Variants in ARCN1 observed in about 807,000 individuals in gnomAD.
The protein encoded by ARCN1 is coatomer subunit delta.
ARCN1 carries 5 observed loss-of-function variants against 60.4 expected under a neutral mutation model. The observed-to-expected ratio is 0.08, with a 90% CI of 0.04 to 0.17. The LOEUF is 0.17. Among genes scored for constraint, ARCN1 ranks in the 10% least tolerant of loss-of-function variants. ARCN1 has a pLI of 1.00. For missense variants in ARCN1, 464 were observed against 626.5 expected, an observed-to-expected ratio of 0.74 and a Z score of 2.77; for synonymous variants, 224 against 220.0, an observed-to-expected ratio of 1.02 and a Z score of -0.16.
At chr11:118,578,663 G>A (rs1012603577) in intron 1 of ARCN1, among the ~76,000 whole-genome samples, 9 of 151,984 alleles carry the variant, frequency 5.9e-5, no homozygotes, top group Non-Finnish European at 1.0e-4. Flanking sequence ...CTAGAGGATC[G>A]ATGCATTCCC....
rs1555076709 is a variant in ARCN1 at position 118,593,711 on chromosome 11, C to T, written c.1241+13C>T. ...CCATCCCACTCCCGTAAGTGCTGTC[C>T]CTGTGTCCTCTACGGTGGACTTAGA... On this transcript the variant is annotated intron_variant, in intron 8 of 9. Transcript: ENST00000264028. The T allele has an allele frequency of 2.6e-6, 4 of 1,565,858 alleles. No homozygotes were observed. The South Asian group carries it at 4.4e-5, about 17-fold the overall frequency.
rs760376887 is a variant in ARCN1, at chr11:118,601,961, C to A, written c.*1247C>A. The A allele has an allele frequency of 2.0e-6, 1 of 511,746 alleles. No homozygotes were observed. Among genetic ancestry groups the A allele is most frequent in the Non-Finnish European group, 3.5e-6 (1 of 286,266 alleles). The allele number at this position is 511,746 out of a possible 1,614,324, so 31.7% of individuals were successfully genotyped here. ...CCACAGTCTGTAATCCATTCACATTCCTCAGTTTCACCACCTCCCTCTTCC... is the reference window on the plus strand; with the variant it reads ...CCACAGTCTGTAATCCATTCACATTACTCAGTTTCACCACCTCCCTCTTCC... On this transcript the variant is annotated 3_prime_UTR_variant, in exon 10 of 10. Transcript: ENST00000264028.
In ARCN1 at chr11:118,583,936, C is replaced by T. The variant is rs990047053; in HGVS notation, c.575C>T (p.Ser192Phe). The change falls in exon 4 of 10, where the codon TCT becomes TTT. Residue 192 changes from serine (S) to phenylalanine (F), a missense_variant. By Grantham distance (155) the Ser-to-Phe change is radical. Around this residue, in one of 2 missense-constraint regions of ARCN1, gnomAD observed 359 missense variants for 440.2 expected, o/e 0.82. Coordinates refer to ENST00000264028, the MANE Select transcript of ARCN1 (RefSeq NM_001655.5). ...GFGGFGSSAV[S>F]GGSTAAMITE... ...GGCGGATTTGGCAGCTCTGCAGTAT[C>T]TGGAGGCAGCACAGCTGCCATGATC... 1 of 1,614,212 alleles carries T rather than the reference C, an allele frequency of 6.2e-7. No individual in the cohort carries two copies. The highest frequency in any genetic ancestry group is 8.5e-7 in the Non-Finnish European group (1 of 1,180,032).
intron 2 of ARCN1, among the ~76,000 whole-genome samples, 165 bp from the exon 3 acceptor site, chr11:118,583,014 G>A (rs911159264): frequency 2.0e-5 from 3 of 152,238 alleles, no homozygotes; most frequent in African/African-American, 2.4e-5. Context: ...GCACTCCAGC[G>A]TGGGCAGCAG....
intron 1 of ARCN1, 95 bp downstream of exon 1, chr11:118,572,645 C>T (rs1938373798): frequency 6.6e-7 from 1 of 1,512,290 alleles, no homozygotes; most frequent in Non-Finnish European, 9.0e-7. Context: ...GAGCCCCGCC[C>T]TGAGGGTCTA....
intron 1 of ARCN1, among the ~76,000 whole-genome samples, chr11:118,574,403 A>G (rs975057311): frequency 2.8e-4 from 43 of 152,184 alleles, no homozygotes; most frequent in Non-Finnish European, 5.1e-4. Flanking sequence ...TTTTAGCTCA[A>G]CATTTCATTA....
intron 5 of ARCN1, among the ~76,000 whole-genome samples, chr11:118,584,950 C>G (rs1035918971): frequency 6.6e-6 from 1 of 151,980 alleles, no homozygotes; most frequent in East Asian, 1.9e-4. Context: ...CTCAGCCTCC[C>G]GAGTAGCTGG....
intron 5 of ARCN1, among the ~76,000 whole-genome samples, chr11:118,589,355 C>G (rs868963761): frequency 5.9e-5 from 9 of 152,126 alleles, no homozygotes; most frequent in Non-Finnish European, 1.0e-4. Flanking sequence ...AAAATACTTA[C>G]AAATAGAAAG....
chr11:118,588,824 C>T (rs1938832275), intron 5 of ARCN1, among the ~76,000 whole-genome samples: 1 of 152,122 alleles, frequency 6.6e-6, no homozygotes, highest in Admixed American at 6.5e-5. Context: ...TCAAGACCAG[C>T]CTGGCCAGCA....
At chr11:118,598,393 C>T (rs1220309619) in intron 9 of ARCN1, among the ~76,000 whole-genome samples, 1 of 151,714 alleles carries the variant, frequency 6.6e-6, no homozygotes. Flanking sequence ...TGTCACAGCT[C>T]CCTTTATTAG....
intron 9 of ARCN1, among the ~76,000 whole-genome samples, chr11:118,599,159 G>A (rs1400810063): frequency 6.7e-6 from 1 of 149,826 alleles, no homozygotes; most frequent in Non-Finnish European, 1.5e-5. Context: ...ATGGCGTGAT[G>A]TTGGTTCACT....
chr11:118,595,646 T>C (rs1175511170), intron 8 of ARCN1, among the ~76,000 whole-genome samples: 8 of 152,214 alleles, frequency 5.3e-5, no homozygotes, highest in Non-Finnish European at 1.0e-4. Flanking sequence ...TACTTCACAG[T>C]AAATCCTAGC....
chr11:118,583,925 C>T lies in ARCN1; in HGVS notation c.564C>T (p.Ser188=). The T allele has an allele frequency of 1.2e-6, 2 of 1,614,248 alleles. No individual in the cohort carries two copies. ...KKAPGFGGFG[S]SAVSGGSTAA... is the part of the protein sequence containing the mutation. The stretch of plus-strand genomic sequence containing the variant: ...CACCAGGATTTGGCGGATTTGGCAG[C>T]TCTGCAGTATCTGGAGGCAGCACAG... The change falls in exon 4 of 10, where the codon AGC becomes AGT. Residue 188 remains serine (S), a synonymous_variant. Transcript: ENST00000264028.
At chr11:118,583,627 C>T (rs1233625581) in intron 3 of ARCN1, among the ~76,000 whole-genome samples, 182 bp from the exon 4 acceptor site, 1 of 151,844 alleles carries the variant, frequency 6.6e-6, no homozygotes, top group Non-Finnish European at 1.5e-5. Flanking sequence ...CATGGTAGCA[C>T]GTGCATGTGG....
intron 6 of ARCN1, among the ~76,000 whole-genome samples, chr11:118,590,786 G>A (rs986467605): frequency 6.6e-6 from 1 of 152,174 alleles, no homozygotes; most frequent in Non-Finnish European, 1.5e-5. Context: ...GTACAAGGAG[G>A]TGTTTGTCTT....
At chr11:118,576,576 A>G (rs1938518676) in intron 1 of ARCN1, among the ~76,000 whole-genome samples, 1 of 152,144 alleles carries the variant, frequency 6.6e-6, no homozygotes, top group African/African-American at 2.4e-5. Context: ...ACCAGTAAAC[A>G]TTAATGTAAA....
intron 6 of ARCN1, among the ~76,000 whole-genome samples, chr11:118,591,718 G>GT (rs1333512610): frequency 1.3e-5 from 2 of 148,992 alleles, no homozygotes; most frequent in African/African-American, 4.9e-5. Flanking sequence ...TTTTTGTCTT[G>GT]TTTTTTTGTT....
At chr11:118,577,656 T>C (rs1555073903) in intron 1 of ARCN1, among the ~76,000 whole-genome samples, 1 of 152,220 alleles carries the variant, frequency 6.6e-6, no homozygotes, top group African/African-American at 2.4e-5. Context: ...CTTAACACAT[T>C]CTGCCTCATA....
At chr11:118,576,579 A>C (rs1938518839) in intron 1 of ARCN1, among the ~76,000 whole-genome samples, 3 of 152,112 alleles carry the variant, frequency 2.0e-5, no homozygotes, top group African/African-American at 7.2e-5. Flanking sequence ...AGTAAACATT[A>C]ATGTAAAGAG....
Sources: allele counts gnomAD v4.1 joint callset (sites outside exome capture counted in the v4.1 genomes callset), GRCh38; gene constraint gnomAD v4.1.1; regional missense constraint gnomAD v4.1.1; transcripts MANE v1.5; gene names NCBI Gene and HGNC (gene_info 2026-07-23, HGNC 2026-07-21).